WDR7: variants seen among roughly 807,000 people sequenced by gnomAD.
The protein encoded by WDR7 is WD repeat domain 7.
WDR7 carries 46 observed loss-of-function variants against 169.4 expected under a neutral mutation model. The observed-to-expected ratio is 0.27, with a 90% confidence interval of 0.21 to 0.35. The LOEUF is 0.35. WDR7 is among the 10% of genes least tolerant of loss of function. The probability of loss-of-function intolerance (pLI) is 1.00; values close to 1 mark genes in which losing one functional copy is unlikely to be tolerated. For synonymous variants in WDR7, 612 were observed against 666.8 expected, an observed-to-expected ratio of 0.92 and a Z score of 1.27; for missense variants, 1,534 against 1,859.3, an observed-to-expected ratio of 0.83 and a Z score of 3.22.
intron 23 of WDR7, 104 bp from the exon 24 acceptor site, chr18:56,938,429 G>A (rs2046987698): frequency 7.0e-7 from 1 of 1,421,540 alleles, no homozygotes; most frequent in Non-Finnish European, 9.4e-7. Flanking sequence ...CCCACAAGAA[G>A]TTTATTTTTT....
At chr18:56,832,031 C>T (rs1357703848) in intron 20 of WDR7, among the ~76,000 whole-genome samples, 1 of 152,128 alleles carries the variant, frequency 6.6e-6, no homozygotes, top group Non-Finnish European at 1.5e-5. Flanking sequence ...GCCAGGGAGC[C>T]GAGTGATCTT....
intron 19 of WDR7, among the ~76,000 whole-genome samples, chr18:56,784,434 C>T (rs1402166758): frequency 6.6e-6 from 1 of 152,152 alleles, no homozygotes; most frequent in Non-Finnish European, 1.5e-5. Flanking sequence ...CCTTCCTCCA[C>T]CCTTCCCCTT....
intron 20 of WDR7, among the ~76,000 whole-genome samples, chr18:56,833,179 C>T (rs1282931346): frequency 4.0e-5 from 6 of 151,860 alleles, no homozygotes; most frequent in African/African-American, 7.3e-5. Flanking sequence ...AGCACGAGAA[C>T]TTCGTGAAGC....
chr18:56,712,108 T>G (rs370246627), intron 12 of WDR7, among the ~76,000 whole-genome samples: 1 of 152,188 alleles, frequency 6.6e-6, no homozygotes, highest in Non-Finnish European at 1.5e-5. Flanking sequence ...AAAAACAAAT[T>G]AGCAAAAATA....
At chr18:56,892,259 T>G (rs2046273666) in intron 21 of WDR7, among the ~76,000 whole-genome samples, 1 of 152,124 alleles carries the variant, frequency 6.6e-6, no homozygotes. Context: ...GTGCTTGTAT[T>G]TATTTTGCCA....
intron 20 of WDR7, among the ~76,000 whole-genome samples, chr18:56,826,644 A>G (rs1226832513): frequency 1.3e-5 from 2 of 152,200 alleles, no homozygotes; most frequent in Non-Finnish European, 2.9e-5. Context: ...GTCCTCACTC[A>G]TAGGTAGGAT....
chr18:56,952,917 T>C (rs960469940), intron 25 of WDR7, among the ~76,000 whole-genome samples: 1 of 152,162 alleles, frequency 6.6e-6, no homozygotes, highest in African/African-American at 2.4e-5. Context: ...AGAAAAAGAT[T>C]AGTGGTTGCC....
intron 19 of WDR7, among the ~76,000 whole-genome samples, chr18:56,804,424 A>G (rs1424653114): frequency 1.3e-5 from 2 of 152,248 alleles, no homozygotes; most frequent in Admixed American, 6.5e-5. Context: ...CTACGTTTTT[A>G]TAGAGAATTT....
intron 20 of WDR7, among the ~76,000 whole-genome samples, chr18:56,878,055 T>A (rs763206581): frequency 2.0e-5 from 3 of 152,150 alleles, no homozygotes; most frequent in Non-Finnish European, 4.4e-5. Context: ...ATTTTTAGAA[T>A]GGAGTAGAAC....
At chr18:56,889,023 A>T (rs2046232215) in intron 21 of WDR7, among the ~76,000 whole-genome samples, 1 of 152,184 alleles carries the variant, frequency 6.6e-6, no homozygotes, top group Non-Finnish European at 1.5e-5. Flanking sequence ...CTTGTCAGTC[A>T]GTCATTGGAT....
intron 21 of WDR7, among the ~76,000 whole-genome samples, chr18:56,903,769 G>A (rs1383887107): frequency 6.6e-6 from 1 of 152,108 alleles, no homozygotes; most frequent in Admixed American, 6.5e-5. Flanking sequence ...TCAGATTCAA[G>A]AAAATTACTA....
chr18:56,695,100 G>T lies in WDR7; in HGVS notation c.1259G>T (p.Arg420Leu). The change falls in exon 11 of 28, where the codon CGA (arginine) becomes CTA (leucine). Residue 420 changes from arginine (R) to leucine (L), a missense_variant. Transcript: ENST00000254442. ...TASVYIPAHG[R>L]LVCGREDGSI... is the part of the protein sequence containing the mutation. ...AGTGTGTACATACCAGCACATGGAC[G>T]ACTTGTTTGTGGTCGTGAAGATGGA... The T allele has an allele frequency of 6.2e-7, 1 of 1,614,058 alleles. No individual in the cohort carries two copies. Among genetic ancestry groups the T allele is most frequent in the South Asian group, 1.1e-5 (1 of 91,056 alleles).
chr18:56,680,233 C>T (rs1174956060), intron 3 of WDR7, among the ~76,000 whole-genome samples: 1 of 152,110 alleles, frequency 6.6e-6, no homozygotes, highest in Non-Finnish European at 1.5e-5. Context: ...TGGCGTGCAC[C>T]TGTAGTCTGA....
At chr18:57,011,779 C>A (rs1477288653) in intron 26 of WDR7, among the ~76,000 whole-genome samples, 1 of 151,694 alleles carries the variant, frequency 6.6e-6, no homozygotes, top group Non-Finnish European at 1.5e-5. Context: ...GATAGTACAC[C>A]CAATAAGAAA....
chr18:56,781,362 T>C (rs2044315847), intron 18 of WDR7, among the ~76,000 whole-genome samples, 171 bp from the exon 19 acceptor site: 1 of 152,268 alleles, frequency 6.6e-6, no homozygotes, highest in Admixed American at 6.5e-5. Flanking sequence ...GATGATTTGC[T>C]AGCATCTGAT....
chr18:56,782,993 T>G (rs2044342496), intron 19 of WDR7, among the ~76,000 whole-genome samples: 1 of 152,162 alleles, frequency 6.6e-6, no homozygotes, highest in Non-Finnish European at 1.5e-5. Flanking sequence ...GTTAAATACT[T>G]TATAATCTAT....
intron 14 of WDR7, among the ~76,000 whole-genome samples, chr18:56,735,620 A>G (rs1345518319): frequency 1.3e-5 from 2 of 152,136 alleles, no homozygotes; most frequent in African/African-American, 2.4e-5. Context: ...TAGGTGAGGT[A>G]GTTCTTATTG....
chr18:56,672,718 C>A, intron 2 of WDR7, 44 bp downstream of exon 2: 2 of 1,509,286 alleles, frequency 1.3e-6, no homozygotes, highest in South Asian at 1.3e-5. Context: ...ATATAAAAAT[C>A]TACTTATTAG....
chr18:56,937,344 T>C (rs1469507461), intron 23 of WDR7, among the ~76,000 whole-genome samples: 1 of 151,954 alleles, frequency 6.6e-6, no homozygotes, highest in Non-Finnish European at 1.5e-5. Flanking sequence ...CTGGGCAACA[T>C]AGTGAAGTGA....
Sources: gnomAD v4.1 joint callset for allele counts (sites outside exome capture counted in the v4.1 genomes callset) on GRCh38, gnomAD v4.1.1 for gene constraint, MANE v1.5 for transcripts, NCBI Gene and HGNC (gene_info 2026-07-23, HGNC 2026-07-21) for gene names.